The following PRKCZ variants were observed in gnomAD, a reference collection of about 807,000 sequenced individuals.
PRKCZ encodes the protein protein kinase C zeta type.
Under a neutral mutation model 79.5 loss-of-function variants are expected in PRKCZ, and 33 were observed. The observed-to-expected ratio is 0.41, with a 90% CI of 0.31 to 0.55. The LOEUF (loss-of-function observed/expected upper bound fraction) is 0.55, where lower values mean the gene tolerates loss of function less well. Among genes scored for constraint, PRKCZ ranks in the 20% least tolerant of loss-of-function variants. PRKCZ has a pLI of 0.19. For synonymous variants in PRKCZ, 342 were observed against 320.9 expected (o/e 1.07, Z -0.70); for missense variants, 578 against 813.5 (o/e 0.71, Z 3.52).
At chr1:2,170,108 C>G (rs1684130714) in intron 11 of PRKCZ, among the ~76,000 whole-genome samples, 1 of 152,124 alleles carries the variant, frequency 6.6e-6, no homozygotes, top group South Asian at 2.1e-4. Context: ...CTGCTCTTCA[C>G]CCTGTTAGTG....
At chr1:2,124,513 C>T (rs925704174) in intron 4 of PRKCZ, among the ~76,000 whole-genome samples, 1 of 152,048 alleles carries the variant, frequency 6.6e-6, no homozygotes, top group African/African-American at 2.4e-5. Context: ...GCTCTCTGCT[C>T]CACATGAGAA....
intron 4 of PRKCZ, among the ~76,000 whole-genome samples, chr1:2,101,238 T>A (rs943948736): frequency 2.0e-5 from 3 of 152,168 alleles, no homozygotes; most frequent in Admixed American, 6.5e-5. Context: ...TACCATTCCT[T>A]TTGTGTATTT....
chr1:2,169,179 C>T (rs944742789), intron 10 of PRKCZ: 4 of 466,212 alleles, frequency 8.6e-6, no homozygotes, highest in Non-Finnish European at 1.3e-5. Context: ...TCCCAGCCCC[C>T]AGCCCTGGTC....
intron 4 of PRKCZ, among the ~76,000 whole-genome samples, chr1:2,114,133 C>A: frequency 6.7e-6 from 1 of 149,822 alleles, no homozygotes; most frequent in Non-Finnish European, 1.5e-5. Context: ...GGCTGCACCC[C>A]CCCACCCTCC....
chr1:2,160,411 C>G (rs1682007325), intron 10 of PRKCZ, among the ~76,000 whole-genome samples: 1 of 152,092 alleles, frequency 6.6e-6, no homozygotes, highest in South Asian at 2.1e-4. Flanking sequence ...CAGAGTGGGA[C>G]TCCGTGGAGA....
chr1:2,061,492 A>T (rs1305813749), intron 4 of PRKCZ, among the ~76,000 whole-genome samples: 4 of 152,138 alleles, frequency 2.6e-5, no homozygotes, highest in African/African-American at 9.7e-5. Context: ...ACCGTGGGGA[A>T]TGCGGAGAAT....
intron 4 of PRKCZ, among the ~76,000 whole-genome samples, chr1:2,069,734 G>T (rs756419873): frequency 6.6e-6 from 1 of 152,172 alleles, no homozygotes; most frequent in African/African-American, 2.4e-5. Flanking sequence ...GGGGCTTCCT[G>T]TTTCTAGATG....
Position 2,050,523 on chromosome 1 carries a change from C to T in PRKCZ, c.-108C>T, listed in dbSNP as rs1659540322. On this transcript the variant is annotated 5_prime_UTR_variant, in exon 1 of 18. Transcript: ENST00000378567. The stretch of plus-strand genomic sequence containing the variant: ...GTTGACCGGGTCGGCGCCGTCGGTC[C>T]TGAGCGCTGCCTTCCGCGTTCCGCC... 4 of 681,140 alleles carry T rather than the reference C, an allele frequency of 5.9e-6. No homozygotes were observed. The highest frequency in any genetic ancestry group is 7.1e-5 in the South Asian group (1 of 14,134). 42.2% of individuals were successfully genotyped at this position (681,140 alleles called of 1,614,324 possible).
intron 4 of PRKCZ, among the ~76,000 whole-genome samples, chr1:2,078,864 A>T (rs534351552): frequency 2.1e-4 from 27 of 129,896 alleles, no homozygotes; most frequent in African/African-American, 6.7e-4. Flanking sequence ...TTTTTTTGAG[A>T]TGGAGTCTTG....
intron 4 of PRKCZ, among the ~76,000 whole-genome samples, chr1:2,105,982 C>T (rs1668334895): frequency 6.6e-6 from 1 of 152,232 alleles, no homozygotes; most frequent in African/African-American, 2.4e-5. Flanking sequence ...TGAGGGGGCT[C>T]CTGCGTTTGT....
At chr1:2,064,306 G>T (rs1490900404) in intron 4 of PRKCZ, among the ~76,000 whole-genome samples, 1 of 152,202 alleles carries the variant, frequency 6.6e-6, no homozygotes, top group Non-Finnish European at 1.5e-5. Flanking sequence ...ATCTTCTCCT[G>T]CTTTGTGGGT....
intron 4 of PRKCZ, among the ~76,000 whole-genome samples, chr1:2,080,985 A>G (rs1003178522): frequency 1.3e-5 from 2 of 152,102 alleles, no homozygotes; most frequent in Admixed American, 1.3e-4. Flanking sequence ...GTCCAGGTCC[A>G]CACCCTCCAC....
At chr1:2,138,732 C>T (rs774564673) in intron 5 of PRKCZ, among the ~76,000 whole-genome samples, 2 of 152,052 alleles carry the variant, frequency 1.3e-5, no homozygotes, top group Non-Finnish European at 2.9e-5. Context: ...GCCAGGAGTT[C>T]AAGATCCATC....
rs146591213 is a variant in PRKCZ at position 2,148,920 on chromosome 1, C to T, written c.683C>T (p.Ser228Leu). The change falls in exon 8 of 18, where the codon TCG becomes TTG. Residue 228 changes from serine to leucine, a missense_variant. Ser to Leu is a moderately radical substitution (Grantham distance 145). Transcript: ENST00000378567. The part of the protein sequence containing the change: ...SRKHDSIKDD[S>L]EDLKPVIDGM... ...AAGCATGACAGCATTAAAGACGACT[C>T]GGAGGTGAGTGTGTGGAGCAGCTCG... The T allele has an allele frequency of 6.2e-6, 10 of 1,613,710 alleles. No individual in the cohort carries two copies. Among genetic ancestry groups the T allele is most frequent in the South Asian group, 3.3e-5 (3 of 91,074 alleles).
At chr1:2,104,782 C>T in intron 4 of PRKCZ, 1 of 985,968 alleles carries the variant, frequency 1.0e-6, no homozygotes, top group Non-Finnish European at 1.2e-6. Flanking sequence ...CTGCTGCCCC[C>T]CGGGGCCGAG....
Position 2,125,687 on chromosome 1 carries a change from G to A in PRKCZ, c.335-9575G>A, listed in dbSNP as rs1332046161. Among the ~76,000 whole-genome samples, 1 of 152,244 alleles carries A rather than the reference G, an allele frequency of 6.6e-6. No homozygotes were observed. The highest frequency in any genetic ancestry group is 1.5e-5 in the Non-Finnish European group (1 of 68,034). On this transcript the variant is annotated intron_variant, in intron 4 of 17. Coordinates refer to ENST00000378567, the MANE Select transcript of PRKCZ (RefSeq NM_002744.6). This position sits in a 1 kb window ranked among gnomAD's most constrained non-coding sequence, Gnocchi z 4.2. ...TTTCCATCCGCATTCCATGGCAGGTGAGTCTGATTATTCGAAGGAGGCTGG... is the reference window on the plus strand; with the variant it reads ...TTTCCATCCGCATTCCATGGCAGGTAAGTCTGATTATTCGAAGGAGGCTGG...
chr1:2,053,136 C>T (rs1362779270), intron 1 of PRKCZ, among the ~76,000 whole-genome samples: 8 of 149,350 alleles, frequency 5.4e-5, no homozygotes, highest in African/African-American at 9.8e-5. Context: ...TTTTGAGTCT[C>T]GCTGTGTTGC....
intron 4 of PRKCZ, among the ~76,000 whole-genome samples, chr1:2,095,115 G>A (rs866773176): frequency 2.0e-5 from 3 of 152,168 alleles, no homozygotes; most frequent in Admixed American, 2.0e-4. Context: ...GGGAGTCCAA[G>A]CAACATCACC....
chr1:2,094,553 C>T lies in PRKCZ; in HGVS notation c.334+34962C>T, dbSNP rs570934387. Among the ~76,000 whole-genome samples, 3 of 126,152 alleles carry T rather than the reference C, an allele frequency of 2.4e-5. No individual in the cohort carries two copies. The highest frequency in any genetic ancestry group is 4.8e-5 in the Non-Finnish European group (3 of 61,946). The allele number at this position is 126,152 out of a possible 152,430, so 82.8% of individuals were successfully genotyped here. ...CCCGTTCTGAGGCGCCCTCTGTGCC[C>T]GGCTCGATGAACCTTGGGCGCTGCC... is the stretch of plus-strand genomic sequence containing the variant. On this transcript the variant is annotated intron_variant, in intron 4 of 17. Transcript: ENST00000378567. The surrounding 1 kb of genome is among the most constrained non-coding windows in gnomAD (Gnocchi z 7.3).
Sources: allele counts gnomAD v4.1 joint callset (sites outside exome capture counted in the v4.1 genomes callset), GRCh38; gene constraint gnomAD v4.1.1; non-coding constraint Gnocchi (gnomAD v3.1); transcripts MANE v1.5; gene names NCBI Gene and HGNC (gene_info 2026-07-23, HGNC 2026-07-21).